Variants in DNMBP observed in about 807,000 individuals in gnomAD.
DNMBP encodes dynamin-binding protein.
DNMBP carries 87 observed loss-of-function variants against 150.0 expected under a neutral mutation model. That is an observed-to-expected ratio of 0.58 (90% CI 0.49 to 0.69). DNMBP has a LOEUF of 0.69. Among genes scored for constraint, DNMBP ranks in the 30% least tolerant of loss-of-function variants. The pLI is 0.00. For synonymous variants in DNMBP, 711 were observed against 750.4 expected (o/e 0.95, Z 0.86); for missense variants, 1,774 against 1,949.0 (o/e 0.91, Z 1.69).
intron 1 of DNMBP, among the ~76,000 whole-genome samples, chr10:100,001,707 G>A (rs1438614194): frequency 3.3e-5 from 5 of 152,124 alleles, no homozygotes; most frequent in African/African-American, 1.2e-4. Flanking sequence ...GCCACCGTAC[G>A]TGGCCTGTGC....
intron 9 of DNMBP, 117 bp downstream of exon 9, chr10:99,897,969 C>G (rs2039680285): frequency 1.3e-6 from 1 of 780,368 alleles, no homozygotes; most frequent in Non-Finnish European, 2.2e-6. Flanking sequence ...TTCTTCATCA[C>G]AGCCCTATTA....
In DNMBP at chr10:99,942,387, A is replaced by G. The variant is rs538385573; in HGVS notation, c.2260+12827T>C. ...CCTGGAATACAGTGGGAGCTCAATCATACTGGTTGACTGATGACTGTCCTG... is the reference window on the plus strand; with the variant it reads ...CCTGGAATACAGTGGGAGCTCAATCGTACTGGTTGACTGATGACTGTCCTG... On this transcript the variant is annotated intron_variant, in intron 4 of 16. Transcript: ENST00000324109. Among the ~76,000 whole-genome samples, 6 of 152,342 alleles carry G rather than the reference A, an allele frequency of 3.9e-5. No individual in the cohort carries two copies. The South Asian group carries it at 8.3e-4, about 21-fold the overall frequency.
chr10:99,880,174 G>A lies in DNMBP; in HGVS notation c.4185C>T (p.Thr1395=). 6.2e-7 allele frequency: 1 copy of A among 1,614,190 alleles called. No homozygotes were observed. The change falls in exon 16 of 17, where the codon ACC becomes ACT. Residue 1395 remains threonine (T), a synonymous_variant. Coordinates refer to ENST00000324109, the MANE Select transcript of DNMBP (RefSeq NM_015221.4). The part of the protein sequence containing the change: ...FNPSSMAVSF[T]SGSCQKQPQD... ...GAGGCTGCTTCTGGCAAGACCCCGA[G>A]GTAAAGGATACAGCCATGCTGCTGG...
intron 9 of DNMBP, among the ~76,000 whole-genome samples, chr10:99,897,153 G>A (rs2039667927): frequency 6.6e-6 from 1 of 152,146 alleles, no homozygotes; most frequent in Admixed American, 6.5e-5. Flanking sequence ...ATCTTGATAT[G>A]AATAATAAAT....
intron 4 of DNMBP, among the ~76,000 whole-genome samples, chr10:99,910,072 TAAAC>T (rs2039881553): frequency 6.6e-6 from 1 of 152,208 alleles, no homozygotes; most frequent in Admixed American, 6.5e-5. Context: ...ATGATCCAAT[TAAAC>T]AACTACAAAT....
chr10:99,942,155 C>T (rs1485715225), intron 4 of DNMBP, among the ~76,000 whole-genome samples: 1 of 152,162 alleles, frequency 6.6e-6, no homozygotes, highest in Admixed American at 6.5e-5. Context: ...GGAACGATGC[C>T]TCCCACCCCC....
At chr10:99,877,649 A>C (rs2039297490) in intron 16 of DNMBP, among the ~76,000 whole-genome samples, 1 of 152,120 alleles carries the variant, frequency 6.6e-6, no homozygotes, top group Non-Finnish European at 1.5e-5. Context: ...GGATCACCTG[A>C]AGTTGGGAAT....
At chr10:99,890,595 GA>G (rs909477927) in intron 11 of DNMBP, among the ~76,000 whole-genome samples, 1 of 152,180 alleles carries the variant, frequency 6.6e-6, no homozygotes, top group Non-Finnish European at 1.5e-5. Context: ...GATATTAGGG[GA>G]AAGTCCTATG....
At chr10:99,987,048 G>A (rs1002237605) in intron 1 of DNMBP, among the ~76,000 whole-genome samples, 2 of 151,830 alleles carry the variant, frequency 1.3e-5, no homozygotes, top group South Asian at 2.1e-4. Context: ...CCAGCTACTC[G>A]GGAGGCTGAG....
At chr10:99,880,454 A>T (rs1235312619) in intron 15 of DNMBP, 93 bp from the exon 16 acceptor site, 1 of 1,408,680 alleles carries the variant, frequency 7.1e-7, no homozygotes, top group Non-Finnish European at 9.3e-7. Context: ...GATCTAGGTT[A>T]TTCATCTGTA....
At chr10:99,891,806 G>T (rs1194284996) in intron 11 of DNMBP, among the ~76,000 whole-genome samples, 1 of 150,314 alleles carries the variant, frequency 6.7e-6, no homozygotes, top group Non-Finnish European at 1.5e-5. Flanking sequence ...TGAGACGTGG[G>T]GAGCGCCTCT....
intron 11 of DNMBP, 121 bp from the exon 12 acceptor site, chr10:99,889,074 T>G: frequency 8.7e-7 from 1 of 1,150,418 alleles, no homozygotes; most frequent in Non-Finnish European, 1.2e-6. Flanking sequence ...ATTTTCTAAC[T>G]AGTCTGGTAT....
At chr10:99,996,448 A>C (rs2133383053) in intron 1 of DNMBP, among the ~76,000 whole-genome samples, 1 of 152,342 alleles carries the variant, frequency 6.6e-6, no homozygotes, top group East Asian at 1.9e-4. Context: ...TGAAACCAGG[A>C]GGCAGCGGTT....
At chr10:99,998,314 A>C (rs1000321978) in intron 1 of DNMBP, among the ~76,000 whole-genome samples, 6 of 151,958 alleles carry the variant, frequency 3.9e-5, no homozygotes, top group Admixed American at 3.9e-4. Context: ...GCAGTGGCTC[A>C]CGCCTGTAAT....
intron 1 of DNMBP, among the ~76,000 whole-genome samples, chr10:99,989,659 C>T (rs1369644286): frequency 3.3e-5 from 5 of 152,046 alleles, no homozygotes; most frequent in South Asian, 2.1e-4. Flanking sequence ...TGCAGTGAGC[C>T]GAGATCGCGC....
In DNMBP at chr10:99,880,156, C is replaced by A; in HGVS notation, c.4203G>T (p.Lys1401Asn). 1 of 1,614,150 alleles carries A rather than the reference C, an allele frequency of 6.2e-7. No individual in the cohort carries two copies. Among genetic ancestry groups the A allele is most frequent in the Non-Finnish European group, 8.5e-7 (1 of 1,180,036 alleles). Residue 1401 changes from lysine (K) to asparagine (N), a missense_variant, in exon 16 of 17, where the codon AAG becomes AAT. Physicochemically the swap from Lys to Asn is moderately conservative, Grantham distance 94. Coordinates refer to ENST00000324109, the MANE Select transcript of DNMBP (RefSeq NM_015221.4). ...GCGGAGGAGATGCATCTTGAGGCTGCTTCTGGCAAGACCCCGAGGTAAAGG... is the reference window on the plus strand; with the variant it reads ...GCGGAGGAGATGCATCTTGAGGCTGATTCTGGCAAGACCCCGAGGTAAAGG... Reference protein sequence around the residue: ...AVSFTSGSCQKQPQDASPPPK... With the variant: ...AVSFTSGSCQNQPQDASPPPK...
In DNMBP at chr10:99,879,101, A is replaced by AAAAAAAAAAAAAAAAAAAAAAAAAAAC. The variant is rs1554857510; in HGVS notation, c.4548+709_4548+710insGTTTTTTTTTTTTTTTTTTTTTTTTTT. 5.6e-4 allele frequency among the ~76,000 whole-genome samples: 76 copies of AAAAAAAAAAAAAAAAAAAAAAAAAAAC among 135,076 alleles called. 9 individuals carry two copies. Among genetic ancestry groups the AAAAAAAAAAAAAAAAAAAAAAAAAAAC allele is most frequent in the African/African-American group, 1.8e-3 (57 of 31,666 alleles). The allele number at this position is 135,076 out of a possible 152,430, so 88.6% of individuals were successfully genotyped here. A position where few individuals can be genotyped will look rare whatever the true frequency, so the allele number is the denominator to read the frequency against. The stretch of plus-strand genomic sequence containing the variant: ...CTCTGTCTCAAAAAAAAAAAAAAAA[A>AAAAAAAAAAAAAAAAAAAAAAAAAAAC]CCCAAAACGTTTGAGATACAAAGCC... On this transcript the variant is annotated intron_variant, in intron 16 of 16. Coordinates refer to ENST00000324109, the MANE Select transcript of DNMBP (RefSeq NM_015221.4).
chr10:99,893,408 T>C (rs752321501), intron 11 of DNMBP, among the ~76,000 whole-genome samples: 7 of 152,216 alleles, frequency 4.6e-5, no homozygotes, highest in Non-Finnish European at 8.8e-5. Flanking sequence ...ATATTATGAC[T>C]TGTCCACAGT....
At chr10:99,962,203 G>C (rs1347894551) in intron 3 of DNMBP, among the ~76,000 whole-genome samples, 3 of 152,212 alleles carry the variant, frequency 2.0e-5, no homozygotes, top group Admixed American at 2.0e-4. Flanking sequence ...TACACTTAGA[G>C]AGAGTTGCCC....
Sources: allele counts gnomAD v4.1 joint callset (sites outside exome capture counted in the v4.1 genomes callset), GRCh38; gene constraint gnomAD v4.1.1; transcripts MANE v1.5; gene names NCBI Gene and HGNC (gene_info 2026-07-23, HGNC 2026-07-21).